STK10: variants seen among roughly 807,000 people sequenced by gnomAD.
The protein encoded by STK10 is serine/threonine-protein kinase 10.
A neutral mutation model predicts 113.8 loss-of-function variants in STK10; 78 were observed. That is an observed-to-expected ratio of 0.69 (90% CI 0.57 to 0.83). The LOEUF is 0.83. Among genes scored for constraint, STK10 ranks in the 40% least tolerant of loss-of-function variants. The pLI is 0.00. For missense variants in STK10, 1,109 were observed against 1,280.1 expected (o/e 0.87, Z 2.04); for synonymous variants, 465 against 494.7 (o/e 0.94, Z 0.80).
chr5:172,168,156 T>C (rs1012671889), intron 1 of STK10, among the ~76,000 whole-genome samples: 7 of 152,144 alleles, frequency 4.6e-5, no homozygotes, highest in African/African-American at 1.7e-4. Context: ...GTGCCAGGCA[T>C]GTATCAAATA....
intron 4 of STK10, chr5:172,114,473 A>ATATATATATATATATATAT (rs1226289994): frequency 2.1e-5 from 1 of 47,538 alleles, no homozygotes; most frequent in African/African-American, 1.4e-4. Flanking sequence ...ATATATATAT[A>ATATATATATATATATATAT]TTTTTTTTTT....
At chr5:172,172,117 G>A (rs1023771528) in intron 1 of STK10, among the ~76,000 whole-genome samples, 6 of 152,204 alleles carry the variant, frequency 3.9e-5, no homozygotes, top group Admixed American at 2.0e-4. Context: ...TTGAACCCAG[G>A]TGGTGGAGGT....
intron 12 of STK10, among the ~76,000 whole-genome samples, chr5:172,073,459 T>TA (rs1768240983): frequency 6.6e-6 from 1 of 151,676 alleles, no homozygotes; most frequent in Non-Finnish European, 1.5e-5. Context: ...ACCTAATTTT[T>TA]AATTTTTTTT....
At chr5:172,109,466 C>T (rs1408927329) in intron 4 of STK10, among the ~76,000 whole-genome samples, 2 of 151,860 alleles carry the variant, frequency 1.3e-5, no homozygotes, top group African/African-American at 4.8e-5. Context: ...TATGCCACCA[C>T]ACCCGGCTAA....
chr5:172,156,245 T>C (rs1388461177), intron 2 of STK10, among the ~76,000 whole-genome samples: 1 of 152,226 alleles, frequency 6.6e-6, no homozygotes, highest in African/African-American at 2.4e-5. Flanking sequence ...TAAGCACCTA[T>C]CATGAATTAA....
chr5:172,042,187 C>G lies in STK10; in HGVS notation c.*2695G>C, dbSNP rs1490604472. 4 of 152,690 alleles carry G rather than the reference C, an allele frequency of 2.6e-5. No homozygotes were observed. In the East Asian group the frequency reaches 7.7e-4, roughly 29 times the overall value. The allele number at this position is 152,690 out of a possible 1,614,324, so 9.5% of individuals were successfully genotyped here. A position where few individuals can be genotyped will look rare whatever the true frequency, so the allele number is the denominator to read the frequency against. The stretch of plus-strand genomic sequence containing the variant: ...TCTGGAAACTACATAAAAATAATTT[C>G]TATCTTTCATAAAGGGAAAATAAAA... On this transcript the variant is annotated 3_prime_UTR_variant, in exon 19 of 19. Coordinates refer to ENST00000176763, the MANE Select transcript of STK10 (RefSeq NM_005990.4).
chr5:172,140,024 C>T lies in STK10; in HGVS notation c.322-12603G>A, dbSNP rs537087507. ...CCTACAAAATGGGGAGAAATATTTG[C>T]AAACCATATATTTAACAGGGGTTAA... On this transcript the variant is annotated intron_variant, in intron 2 of 18. Transcript: ENST00000176763. Among the ~76,000 whole-genome samples, 3 of 151,628 alleles carry T rather than the reference C, an allele frequency of 2.0e-5. No individual in the cohort carries two copies. In the South Asian group the frequency reaches 6.2e-4, roughly 32 times the overall value.
intron 7 of STK10, among the ~76,000 whole-genome samples, chr5:172,103,736 C>T (rs1386819069): frequency 1.3e-5 from 2 of 152,026 alleles, no homozygotes; most frequent in South Asian, 4.1e-4. Flanking sequence ...CCTCATTTTG[C>T]ATTCTGGTTC....
At chr5:172,054,025 A>C (rs997314964) in intron 17 of STK10, among the ~76,000 whole-genome samples, 4 of 152,228 alleles carry the variant, frequency 2.6e-5, no homozygotes, top group Non-Finnish European at 5.9e-5. Context: ...ATGCCTCCCC[A>C]CCTCTCCAGA....
intron 1 of STK10, among the ~76,000 whole-genome samples, chr5:172,160,433 C>A (rs1481678350): frequency 6.6e-6 from 1 of 151,900 alleles, no homozygotes; most frequent in Non-Finnish European, 1.5e-5. Context: ...CGAGATCGCA[C>A]CACTGCACTC....
At chr5:172,169,087 T>C (rs1030666062) in intron 1 of STK10, among the ~76,000 whole-genome samples, 3 of 151,972 alleles carry the variant, frequency 2.0e-5, no homozygotes, top group Admixed American at 6.6e-5. Flanking sequence ...ACCTCCTCCC[T>C]ACCTGCGTTT....
rs751412361 is a variant in STK10, at chr5:172,055,700, C to T, written c.2414G>A (p.Arg805Gln). ...CTCACTCCTCTGGATCTTGGGCAGC[C>T]GCGCCTTTTCCTGTTGCTGCCGCAC... ...LKVRQQQEKA[R>Q]LPKIQRSEGK... Residue 805 changes from arginine (R) to glutamine (Q), a missense_variant, in exon 16 of 19, where the codon CGG becomes CAG. By Grantham distance (43) the Arg-to-Gln change is conservative (BLOSUM62 1). Coordinates refer to ENST00000176763, the MANE Select transcript of STK10 (RefSeq NM_005990.4). 9.5e-6 allele frequency: 15 copies of T among 1,582,446 alleles called. No individual in the cohort carries two copies. The highest frequency in any genetic ancestry group is 4.1e-5 in the African/African-American group (3 of 73,820).
At chr5:172,135,357 CAA>C (rs1769831618) in intron 2 of STK10, among the ~76,000 whole-genome samples, 1 of 151,974 alleles carries the variant, frequency 6.6e-6, no homozygotes, top group South Asian at 2.1e-4. Flanking sequence ...AATAAAAATA[CAA>C]AAGTTAGCCA....
chr5:172,100,825 C>T (rs1252380424), intron 7 of STK10, among the ~76,000 whole-genome samples: 2 of 152,124 alleles, frequency 1.3e-5, no homozygotes, highest in Non-Finnish European at 2.9e-5. Context: ...CCTAATAATG[C>T]TCGCAGTTTT....
intron 14 of STK10, among the ~76,000 whole-genome samples, chr5:172,059,775 G>A (rs58994750): frequency 0.013 from 1,923 of 152,206 alleles, 34 homozygotes; most frequent in African/African-American, 0.041. Flanking sequence ...CCCCCTCAGC[G>A]TGTCAACTTG....
intron 12 of STK10, among the ~76,000 whole-genome samples, chr5:172,079,579 G>T (rs1319996017): frequency 7.7e-6 from 1 of 129,632 alleles, no homozygotes; most frequent in Admixed American, 7.3e-5. Context: ...ATTTATTTTT[G>T]AGATGGAGTT....
chr5:172,083,925 G>GAAAAAAAAAAAAAAAAAAAA (rs58326550), intron 10 of STK10, among the ~76,000 whole-genome samples: 1 of 85,766 alleles, frequency 1.2e-5, no homozygotes, highest in Non-Finnish European at 2.6e-5. Flanking sequence ...ACAAAAAAAA[G>GAAAAAAAAAAAAAAAAAAAA]AAAAAAAAAA....
At chr5:172,151,132 G>A (rs143599594) in intron 2 of STK10, among the ~76,000 whole-genome samples, 1 of 152,204 alleles carries the variant, frequency 6.6e-6, no homozygotes, top group African/African-American at 2.4e-5. Context: ...TGTGTGCCCA[G>A]CCCTGTTATA....
chr5:172,104,031 A>C (rs1447627054), intron 7 of STK10, among the ~76,000 whole-genome samples: 5 of 152,200 alleles, frequency 3.3e-5, no homozygotes, highest in Non-Finnish European at 7.3e-5. Flanking sequence ...GCTACCCCAG[A>C]AGGACGCACA....
Sources: allele counts gnomAD v4.1 joint callset (sites outside exome capture counted in the v4.1 genomes callset), GRCh38; gene constraint gnomAD v4.1.1; transcripts MANE v1.5; gene names NCBI Gene and HGNC (gene_info 2026-07-23, HGNC 2026-07-21).